The following MAP4K3 variants were observed in gnomAD, a reference collection of about 807,000 sequenced individuals.
MAP4K3 encodes MAPK/ERK kinase kinase kinase 3.
In MAP4K3, 94 loss-of-function variants were observed where a neutral mutation model predicts 143.5. The ratio of observed to expected loss-of-function variants is 0.65; its 90% CI spans 0.55 to 0.78. The LOEUF (loss-of-function observed/expected upper bound fraction) is 0.78. Ranked by LOEUF, MAP4K3 falls within the 30% of genes least tolerant of loss-of-function variation. The probability of loss-of-function intolerance (pLI) is 0.00; values close to 1 mark genes in which losing one functional copy is unlikely to be tolerated. For missense variants in MAP4K3, 1,077 were observed against 1,068.1 expected (o/e 1.01, Z -0.12); for synonymous variants, 416 against 347.2 (o/e 1.20, Z -2.20).
intron 16 of MAP4K3, among the ~76,000 whole-genome samples, chr2:39,294,812 C>T (rs1682202179): frequency 6.6e-6 from 1 of 152,132 alleles, no homozygotes; most frequent in Non-Finnish European, 1.5e-5. Flanking sequence ...ACTAGCAGTT[C>T]TCAAATTGTG....
Position 39,422,172 on chromosome 2 carries a change from G to A in MAP4K3, c.96+14720C>T, listed in dbSNP as rs190892951. Among the ~76,000 whole-genome samples, 61 of 151,980 alleles carry A rather than the reference G, an allele frequency of 4.0e-4. 2 individuals are homozygous for A. Among genetic ancestry groups the A allele is most frequent in the South Asian group, 2.9e-3 (14 of 4,802 alleles). On this transcript the variant is annotated intron_variant, in intron 1 of 33. Transcript: ENST00000263881. ...AGAAATGCTATGGTACTAGAAGAAA[G>A]CAGCATGATCAAACTCCTTGAAAAG...
chr2:39,335,353 G>A (rs1234320506), intron 6 of MAP4K3, among the ~76,000 whole-genome samples: 5 of 152,116 alleles, frequency 3.3e-5, no homozygotes, highest in African/African-American at 1.2e-4. Context: ...AAGACCACAT[G>A]ATATAATATT....
chr2:39,340,816 A>G (rs1665117353), intron 4 of MAP4K3, among the ~76,000 whole-genome samples: 1 of 152,192 alleles, frequency 6.6e-6, no homozygotes, highest in South Asian at 2.1e-4. Context: ...ATGGTAACCA[A>G]AAATAAAATC....
intron 21 of MAP4K3, among the ~76,000 whole-genome samples, chr2:39,284,322 C>A (rs188144221): frequency 6.6e-6 from 1 of 151,912 alleles, no homozygotes; most frequent in South Asian, 2.1e-4. Context: ...CCACCACACC[C>A]GGCTGTTTCT....
At chr2:39,270,853 AG>A (rs1190431078) in intron 26 of MAP4K3, among the ~76,000 whole-genome samples, 2 of 152,188 alleles carry the variant, frequency 1.3e-5, no homozygotes, top group Non-Finnish European at 2.9e-5. Context: ...TGATGCTAAA[AG>A]GGTTTTTAGG....
At chr2:39,253,966 G>T (rs73924816) in intron 32 of MAP4K3, among the ~76,000 whole-genome samples, 6,314 of 152,184 alleles carry the variant, frequency 0.041, 208 homozygotes, top group African/African-American at 0.083. Context: ...AAGGTAAAGG[G>T]GGCAAAGAAT....
chr2:39,429,573 G>C (rs1665218871), intron 1 of MAP4K3, among the ~76,000 whole-genome samples: 4 of 152,188 alleles, frequency 2.6e-5, no homozygotes, highest in Admixed American at 1.3e-4. Flanking sequence ...GGTATGTAAA[G>C]ATATCACCAC....
intron 16 of MAP4K3, chr2:39,294,217 A>C (rs1682176826): frequency 3.3e-5 from 5 of 152,210 alleles, no homozygotes; most frequent in Admixed American, 3.3e-4. Context: ...TATCAGGAAA[A>C]ACTGCCCTTA....
chr2:39,303,532 G>T (rs990052199), intron 15 of MAP4K3, among the ~76,000 whole-genome samples: 4 of 151,912 alleles, frequency 2.6e-5, no homozygotes, highest in African/African-American at 9.7e-5. Context: ...TTAACATAGT[G>T]TTTTTTGGGT....
intron 1 of MAP4K3, among the ~76,000 whole-genome samples, chr2:39,427,844 C>G (rs1313188994): frequency 6.6e-6 from 1 of 152,172 alleles, no homozygotes; most frequent in African/African-American, 2.4e-5. Flanking sequence ...ATTCATTTAT[C>G]TGTATCTTAT....
intron 24 of MAP4K3, among the ~76,000 whole-genome samples, chr2:39,274,255 T>G (rs2148457478): frequency 6.6e-6 from 1 of 151,562 alleles, no homozygotes; most frequent in Non-Finnish European, 1.5e-5. Flanking sequence ...CTCGCTGTGT[T>G]GCCCAGGCTG....
chr2:39,315,177 C>G (rs1573137535), intron 13 of MAP4K3, 133 bp downstream of exon 13: 1 of 549,404 alleles, frequency 1.8e-6, no homozygotes, highest in Non-Finnish European at 3.1e-6. Flanking sequence ...TCTTACTGCC[C>G]TAATTAAACT....
At chr2:39,366,875 C>A (rs928181325) in intron 2 of MAP4K3, among the ~76,000 whole-genome samples, 6 of 152,104 alleles carry the variant, frequency 3.9e-5, no homozygotes, top group Non-Finnish European at 7.4e-5. Context: ...AAAAACTTTT[C>A]TAAAACCACA....
At chr2:39,328,965 T>A (rs1169050680) in intron 8 of MAP4K3, among the ~76,000 whole-genome samples, 5 of 152,230 alleles carry the variant, frequency 3.3e-5, no homozygotes, top group African/African-American at 1.2e-4. Flanking sequence ...TAACTGCCGA[T>A]CTAATCACTT....
intron 23 of MAP4K3, among the ~76,000 whole-genome samples, 198 bp downstream of exon 23, chr2:39,280,074 T>A (rs961905613): frequency 6.6e-6 from 1 of 152,102 alleles, no homozygotes. Flanking sequence ...AACTATACAG[T>A]GAAATTTTAA....
At chr2:39,337,244 T>C (rs1210368428) in intron 5 of MAP4K3, among the ~76,000 whole-genome samples, 2 of 152,156 alleles carry the variant, frequency 1.3e-5, no homozygotes, top group African/African-American at 4.8e-5. Flanking sequence ...ATTCCCATGA[T>C]AGTGCTTAAT....
At chr2:39,376,126 C>T (rs577566158) in intron 2 of MAP4K3, among the ~76,000 whole-genome samples, 4 of 152,252 alleles carry the variant, frequency 2.6e-5, no homozygotes, top group South Asian at 4.2e-4. Flanking sequence ...AAGGAAGTGA[C>T]AAACTGTTTT....
intron 18 of MAP4K3, among the ~76,000 whole-genome samples, chr2:39,292,360 G>C (rs1009675997): frequency 2.0e-5 from 3 of 152,176 alleles, no homozygotes; most frequent in Non-Finnish European, 4.4e-5. Flanking sequence ...AAATGAGGTT[G>C]TAACAGTGGG....
Position 39,263,477 on chromosome 2 carries a change from C to T in MAP4K3, c.2136+1726G>A, listed in dbSNP as rs1022338772. Among the ~76,000 whole-genome samples, 30 of 145,954 alleles carry T rather than the reference C, an allele frequency of 2.1e-4. No homozygotes were observed. The East Asian group carries it at 6.1e-3, about 30-fold the overall frequency. On this transcript the variant is annotated intron_variant, in intron 28 of 33. Coordinates refer to ENST00000263881, the MANE Select transcript of MAP4K3 (RefSeq NM_003618.4). ...TGTATTTTTAGTAGAGACGGGGTTT[C>T]ACCGTGTTAGCCAGGATGGTCTCGA...
Sources: allele counts gnomAD v4.1 joint callset (sites outside exome capture counted in the v4.1 genomes callset), GRCh38; gene constraint gnomAD v4.1.1; transcripts MANE v1.5; gene names NCBI Gene and HGNC (gene_info 2026-07-23, HGNC 2026-07-21).